RASGRP1: variants seen among roughly 807,000 people sequenced by gnomAD.
The protein encoded by RASGRP1 is RAS guanyl-releasing protein 1.
Under a neutral mutation model 95.1 loss-of-function variants are expected in RASGRP1, and 37 were observed. The observed-to-expected ratio is 0.39, with a 90% CI of 0.30 to 0.51. The LOEUF (loss-of-function observed/expected upper bound fraction) is 0.51, where lower values mean the gene tolerates loss of function less well. Among genes scored for constraint, RASGRP1 ranks in the 20% least tolerant of loss-of-function variants. The probability of loss-of-function intolerance (pLI) is 0.80; values close to 1 mark genes in which losing one functional copy is unlikely to be tolerated. For synonymous variants in RASGRP1, 325 were observed against 353.4 expected (o/e 0.92, Z 0.90); for missense variants, 711 against 965.4 (o/e 0.74, Z 3.49).
intron 2 of RASGRP1, among the ~76,000 whole-genome samples, chr15:38,549,368 A>G (rs1486123286): frequency 2.0e-5 from 3 of 152,238 alleles, no homozygotes; most frequent in Non-Finnish European, 2.9e-5. Flanking sequence ...CATTCCAGCA[A>G]GATAGACTCA....
chr15:38,558,475 CT>C (rs1197038969), intron 2 of RASGRP1, among the ~76,000 whole-genome samples: 2 of 152,210 alleles, frequency 1.3e-5, no homozygotes, highest in East Asian at 3.8e-4. Flanking sequence ...GTTAAAAAGT[CT>C]ACAACAAACA....
At chr15:38,556,388 C>T (rs1242626035) in intron 2 of RASGRP1, among the ~76,000 whole-genome samples, 1 of 152,152 alleles carries the variant, frequency 6.6e-6, no homozygotes, top group Non-Finnish European at 1.5e-5. Context: ...AATATAAGTC[C>T]TTCTTCTGAG....
At chr15:38,561,085 G>A (rs1208388186) in intron 1 of RASGRP1, among the ~76,000 whole-genome samples, 2 of 152,076 alleles carry the variant, frequency 1.3e-5, no homozygotes, top group Non-Finnish European at 2.9e-5. Context: ...TGTGGCTTTG[G>A]TTATTTTGTA....
intron 2 of RASGRP1, among the ~76,000 whole-genome samples, chr15:38,542,034 G>T (rs750719057): frequency 5.9e-5 from 9 of 152,080 alleles, no homozygotes; most frequent in Non-Finnish European, 1.3e-4. Context: ...CAAAACTAAG[G>T]CTGGGCCTGG....
intron 5 of RASGRP1, among the ~76,000 whole-genome samples, chr15:38,517,013 G>A (rs1003075381): frequency 6.6e-6 from 1 of 152,124 alleles, no homozygotes; most frequent in Non-Finnish European, 1.5e-5. Flanking sequence ...AACAAGCAAA[G>A]GGAAGCGGCC....
intron 2 of RASGRP1, among the ~76,000 whole-genome samples, chr15:38,554,738 C>A (rs1410707283): frequency 6.6e-6 from 1 of 152,174 alleles, no homozygotes; most frequent in African/African-American, 2.4e-5. Flanking sequence ...CTAAGAGCGG[C>A]CTGGGAGCTG....
intron 1 of RASGRP1, among the ~76,000 whole-genome samples, chr15:38,562,988 CAG>C (rs1893875515): frequency 6.6e-6 from 1 of 152,086 alleles, no homozygotes. Context: ...GTATGGAGCC[CAG>C]AGAGACTCAG....
At position 38,531,443 on chromosome 15, in the gene RASGRP1, C is replaced by T. The variant is rs144367945; in HGVS notation, c.221-5039G>A. ...CTAAGGTCACAGCCACTGCACATTTCGTGAAATAGCTTTTGTACTCTGGTG... is the reference window on the plus strand; with the variant it reads ...CTAAGGTCACAGCCACTGCACATTTTGTGAAATAGCTTTTGTACTCTGGTG... On this transcript the variant is annotated intron_variant, in intron 2 of 16. Transcript: ENST00000310803. 3.2e-3 allele frequency among the ~76,000 whole-genome samples: 485 copies of T among 152,332 alleles called. 6 individuals carry two copies. The highest frequency in any genetic ancestry group is 0.011 in the African/African-American group (458 of 41,590).
intron 1 of RASGRP1, among the ~76,000 whole-genome samples, chr15:38,564,277 A>T (rs1240591596): frequency 6.6e-6 from 1 of 152,098 alleles, no homozygotes; most frequent in Non-Finnish European, 1.5e-5. Context: ...CCGGGCGTGG[A>T]GATGTGGGGG....
intron 2 of RASGRP1, among the ~76,000 whole-genome samples, chr15:38,551,172 G>A (rs1893325050): frequency 6.6e-6 from 1 of 152,156 alleles, no homozygotes; most frequent in Non-Finnish European, 1.5e-5. Context: ...AATTTTTAAA[G>A]ACTGAGTTAA....
chr15:38,525,756 G>A (rs960846471), intron 3 of RASGRP1, among the ~76,000 whole-genome samples: 4 of 152,130 alleles, frequency 2.6e-5, no homozygotes, highest in Non-Finnish European at 4.4e-5. Context: ...AAGCAAGCAG[G>A]AGCTTTCTCC....
intron 2 of RASGRP1, among the ~76,000 whole-genome samples, chr15:38,533,356 TGGTA>T (rs1892522158): frequency 6.6e-6 from 1 of 152,190 alleles, no homozygotes; most frequent in South Asian, 2.1e-4. Context: ...AGGTTGAACC[TGGTA>T]GGTATACACA....
In RASGRP1 at chr15:38,490,388, A is replaced by T. The variant is rs962551142; in HGVS notation, c.*166T>A. On this transcript the variant is annotated 3_prime_UTR_variant, in exon 17 of 17. Coordinates refer to ENST00000310803, the MANE Select transcript of RASGRP1 (RefSeq NM_005739.4). ...GAGTCAACTAACTGAAAGAGAAAAC[A>T]GTGCTGCACATTAGGAATCTTTTAG... 3.2e-5 allele frequency: 20 copies of T among 624,484 alleles called. No homozygotes were observed. In the Admixed American group the frequency reaches 6.8e-4, roughly 21 times the overall value. The allele number at this position is 624,484 out of a possible 1,614,324, so 38.7% of individuals were successfully genotyped here. A position where few individuals can be genotyped will look rare whatever the true frequency, so the allele number is the denominator to read the frequency against.
intron 8 of RASGRP1, among the ~76,000 whole-genome samples, chr15:38,511,330 C>G (rs1891503746): frequency 6.6e-6 from 1 of 152,142 alleles, no homozygotes; most frequent in Non-Finnish European, 1.5e-5. Flanking sequence ...ATTCCATGGC[C>G]TATGAACATG....
chr15:38,490,560 A>C lies in RASGRP1; in HGVS notation c.2388T>G (p.Cys796Trp). 6.2e-7 allele frequency: 1 copy of C among 1,612,492 alleles called. No homozygotes were observed. The highest frequency in any genetic ancestry group is 8.5e-7 in the Non-Finnish European group (1 of 1,179,142). The change falls in exon 17 of 17, where the codon TGT (cysteine) becomes TGG (tryptophan). Residue 796 changes from cysteine (C) to tryptophan (W), a missense_variant. Physicochemically the swap from Cys to Trp is radical, Grantham distance 215. Around this residue, in one of 3 missense-constraint regions of RASGRP1, gnomAD observed 212 missense variants for 247.8 expected, o/e 0.86. Coordinates refer to ENST00000310803, the MANE Select transcript of RASGRP1 (RefSeq NM_005739.4). ...HVLAQMEQGD[C>W]S The stretch of plus-strand genomic sequence containing the variant: ...GTGCTACTTAGTTTCTGGGCTAAGA[A>C]CAGTCACCCTGCTCCATTTGAGCTA...
intron 16 of RASGRP1, among the ~76,000 whole-genome samples, chr15:38,493,493 C>A (rs952211670): frequency 1.3e-5 from 2 of 152,082 alleles, no homozygotes; most frequent in Non-Finnish European, 2.9e-5. Flanking sequence ...TTTTTAATGT[C>A]ATTATTCCCT....
chr15:38,539,366 C>T (rs1892777119), intron 2 of RASGRP1, among the ~76,000 whole-genome samples: 1 of 152,150 alleles, frequency 6.6e-6, no homozygotes, highest in Non-Finnish European at 1.5e-5. Context: ...ATATTTACTA[C>T]AATTCTGCAT....
rs189485925 is a variant in RASGRP1 at position 38,513,082 on chromosome 15, G to C, written c.676-126C>G. On this transcript the variant is annotated intron_variant, in intron 6 of 16. Coordinates refer to ENST00000310803, the MANE Select transcript of RASGRP1 (RefSeq NM_005739.4). ...CTGGGAACTGCCATGGAACAGAGGA[G>C]CTCCTGGTGCTCTTCTGCATCTTGG... 1.7e-4 allele frequency: 156 copies of C among 935,880 alleles called. No homozygotes were observed. The East Asian group carries it at 4.7e-3, about 28-fold the overall frequency. The allele number at this position is 935,880 out of a possible 1,614,324, so 58.0% of individuals were successfully genotyped here. A position where few individuals can be genotyped will look rare whatever the true frequency, so the allele number is the denominator to read the frequency against.
intron 9 of RASGRP1, among the ~76,000 whole-genome samples, chr15:38,506,670 A>G (rs1445924554): frequency 6.6e-6 from 1 of 150,732 alleles, no homozygotes; most frequent in Non-Finnish European, 1.5e-5. Flanking sequence ...AGTGAGTTTC[A>G]TGTATCTTAG....
Sources: gnomAD v4.1 joint callset for allele counts (sites outside exome capture counted in the v4.1 genomes callset) on GRCh38, gnomAD v4.1.1 for gene constraint, gnomAD v4.1.1 regional missense constraint, MANE v1.5 for transcripts, NCBI Gene and HGNC (gene_info 2026-07-23, HGNC 2026-07-21) for gene names.